C8orf34: variants seen among roughly 807,000 people sequenced by gnomAD.
The protein encoded by C8orf34 is uncharacterized protein C8orf34.
In C8orf34, 65 loss-of-function variants were observed where a neutral mutation model predicts 68.3. The observed-to-expected ratio is 0.95, with a 90% CI of 0.78 to 1.17. The LOEUF is 1.17. C8orf34 is among the 50% of genes most tolerant of loss of function. The pLI is 0.00. For missense variants in C8orf34, 664 were observed against 655.4 expected (o/e 1.01, Z -0.14); for synonymous variants, 244 against 241.2 (o/e 1.01, Z -0.11).
rs373251687 is a variant in C8orf34 at position 68,407,358 on chromosome 8, A to G, written c.328-32141A>G. On this transcript the variant is annotated intron_variant, in intron 1 of 13. Coordinates refer to ENST00000518698, the MANE Select transcript of C8orf34 (RefSeq NM_052958.4). ...ATTTACAATGGGGCATATTCGTAAAACTGTAAGATAATTTTGCCTGCTCCC... is the reference window on the plus strand; with the variant it reads ...ATTTACAATGGGGCATATTCGTAAAGCTGTAAGATAATTTTGCCTGCTCCC... Among the ~76,000 whole-genome samples the G allele has an allele frequency of 1.2e-4, 18 of 152,148 alleles. No homozygotes were observed. In the East Asian group the frequency reaches 2.7e-3, roughly 23 times the overall value.
chr8:68,354,993 A>C (rs943982094), intron 1 of C8orf34, among the ~76,000 whole-genome samples: 2 of 152,072 alleles, frequency 1.3e-5, no homozygotes, highest in Admixed American at 6.6e-5. Flanking sequence ...GAAAAAAAAA[A>C]CATTGAAAAT....
chr8:68,419,455 T>A (rs1381920615), intron 1 of C8orf34, among the ~76,000 whole-genome samples: 2 of 151,192 alleles, frequency 1.3e-5, no homozygotes, highest in East Asian at 3.9e-4. Context: ...AAATACCATT[T>A]GACCCAGCCA....
At chr8:68,683,221 C>G (rs537436370) in intron 8 of C8orf34, among the ~76,000 whole-genome samples, 1 of 151,728 alleles carries the variant, frequency 6.6e-6, no homozygotes, top group Non-Finnish European at 1.5e-5. Context: ...TAGAATATTG[C>G]TTTGGGAACT....
intron 9 of C8orf34, among the ~76,000 whole-genome samples, chr8:68,712,726 T>G (rs549948635): frequency 1.3e-5 from 2 of 152,064 alleles, no homozygotes; most frequent in African/African-American, 2.4e-5. Flanking sequence ...ATGAGACAGA[T>G]AGCAACACAG....
intron 1 of C8orf34, among the ~76,000 whole-genome samples, chr8:68,412,320 A>C (rs1356535935): frequency 6.6e-6 from 1 of 152,184 alleles, no homozygotes; most frequent in Non-Finnish European, 1.5e-5. Flanking sequence ...AATGTTTTAT[A>C]ATTTTTTATT....
chr8:68,498,409 C>T (rs1271315960), intron 5 of C8orf34, among the ~76,000 whole-genome samples: 2 of 152,108 alleles, frequency 1.3e-5, no homozygotes, highest in Non-Finnish European at 2.9e-5. Context: ...AACAAGTGAG[C>T]ACAACTGCAT....
chr8:68,816,214 G>A lies in C8orf34; in HGVS notation c.1609+269G>A, dbSNP rs542521380. On this transcript the variant is annotated intron_variant, in intron 13 of 13. Transcript: ENST00000518698. ...TTAGTCTGCACTCTCCCTTGCTAAG[G>A]TGGGAGGATGGGGATTTTAAACCCT... Among the ~76,000 whole-genome samples, 3 of 151,578 alleles carry A rather than the reference G, an allele frequency of 2.0e-5. No individual in the cohort carries two copies. The East Asian group carries it at 5.8e-4, about 30-fold the overall frequency.
intron 1 of C8orf34, among the ~76,000 whole-genome samples, chr8:68,433,712 C>T (rs566806637): frequency 1.3e-5 from 2 of 152,100 alleles, no homozygotes; most frequent in Non-Finnish European, 2.9e-5. Context: ...TTCTGTGCGC[C>T]CAAGTGCTCT....
intron 8 of C8orf34, 79 bp from the exon 9 acceptor site, chr8:68,708,915 C>A: frequency 1.0e-6 from 1 of 984,910 alleles, no homozygotes; most frequent in Non-Finnish European, 1.6e-6. Flanking sequence ...AGTTCACAGC[C>A]ATGTCCCCCA....
intron 7 of C8orf34, among the ~76,000 whole-genome samples, chr8:68,593,925 T>A (rs1235876372): frequency 6.6e-6 from 1 of 152,146 alleles, no homozygotes; most frequent in African/African-American, 2.4e-5. Flanking sequence ...AATTTTGATA[T>A]ATGTTTTTCA....
At chr8:68,494,402 T>C (rs1813436416) in intron 5 of C8orf34, among the ~76,000 whole-genome samples, 1 of 152,000 alleles carries the variant, frequency 6.6e-6, no homozygotes, top group East Asian at 1.9e-4. Context: ...GTTTAATGAG[T>C]GTAGAGTTTC....
chr8:68,576,836 AAATTT>A (rs1386514860), intron 7 of C8orf34, among the ~76,000 whole-genome samples: 1 of 152,050 alleles, frequency 6.6e-6, no homozygotes, highest in African/African-American at 2.4e-5. Flanking sequence ...GAAACAGATT[AAATTT>A]AAGAGTGAAT....
intron 9 of C8orf34, among the ~76,000 whole-genome samples, chr8:68,711,000 C>T (rs1821315392): frequency 6.6e-6 from 1 of 152,168 alleles, no homozygotes; most frequent in African/African-American, 2.4e-5. Context: ...GGACTCTTTG[C>T]AGACACTCCC....
chr8:68,716,653 G>A (rs1821481305), intron 9 of C8orf34, among the ~76,000 whole-genome samples: 1 of 151,846 alleles, frequency 6.6e-6, no homozygotes, highest in South Asian at 2.1e-4. Context: ...ACTAAGTGCT[G>A]GTGAAGTCAT....
At chr8:68,569,931 T>G (rs571526234) in intron 7 of C8orf34, among the ~76,000 whole-genome samples, 15 of 152,286 alleles carry the variant, frequency 9.8e-5, no homozygotes, top group African/African-American at 3.6e-4. Flanking sequence ...AAAGAAAAAG[T>G]GAAGTGATCG....
chr8:68,586,167 T>G lies in C8orf34; in HGVS notation c.1105+53018T>G, dbSNP rs116109616. Among the ~76,000 whole-genome samples, 740 of 152,226 alleles carry G rather than the reference T, an allele frequency of 4.9e-3. 6 individuals are homozygous for G. Among genetic ancestry groups the G allele is most frequent in the African/African-American group, 0.017 (714 of 41,564 alleles). ...GGCTTTGATTACACACCTTTCTACATTAGAGGGGGAGAAAAAGCCTCAATA... is the reference window on the plus strand; with the variant it reads ...GGCTTTGATTACACACCTTTCTACAGTAGAGGGGGAGAAAAAGCCTCAATA... On this transcript the variant is annotated intron_variant, in intron 7 of 13. Transcript: ENST00000518698.
intron 8 of C8orf34, among the ~76,000 whole-genome samples, chr8:68,668,460 C>G (rs1041037542): frequency 6.6e-6 from 1 of 152,110 alleles, no homozygotes; most frequent in Admixed American, 6.6e-5. Context: ...AGAAGGGACA[C>G]TGGGACAACT....
chr8:68,783,523 CAAAAA>C (rs775189886), intron 11 of C8orf34, among the ~76,000 whole-genome samples: 1 of 53,758 alleles, frequency 1.9e-5, no homozygotes, highest in African/African-American at 6.9e-5. Context: ...GACTTCATCT[CAAAAA>C]AAAAAAAAAA....
intron 1 of C8orf34, among the ~76,000 whole-genome samples, chr8:68,379,878 G>A (rs887885343): frequency 7.9e-5 from 12 of 152,110 alleles, no homozygotes; most frequent in African/African-American, 2.9e-4. Context: ...TCGAGACAGA[G>A]TCTCACTCTG....
Sources: allele counts gnomAD v4.1 joint callset (sites outside exome capture counted in the v4.1 genomes callset), GRCh38; gene constraint gnomAD v4.1.1; transcripts MANE v1.5; gene names NCBI Gene and HGNC (gene_info 2026-07-23, HGNC 2026-07-21).